The following BICRAL variants were observed in gnomAD, a reference collection of about 807,000 sequenced individuals.
BICRAL encodes the protein BRD4-interacting chromatin-remodeling complex-associated protein-like.
In BICRAL, 8 loss-of-function variants were observed where a neutral mutation model predicts 91.8. The observed-to-expected ratio is 0.09, with a 90% CI of 0.05 to 0.16. BICRAL has a LOEUF of 0.16. Among genes scored for constraint, BICRAL ranks in the 10% least tolerant of loss-of-function variants. The pLI is 1.00. For synonymous variants in BICRAL, 445 were observed against 491.1 expected (o/e 0.91, Z 1.24); for missense variants, 1,038 against 1,310.9 (o/e 0.79, Z 3.21).
Position 42,828,499 on chromosome 6 carries a change from G to C in BICRAL, c.166G>C (p.Asp56His), listed in dbSNP as rs1179988967. The change falls in exon 6 of 13, where the codon GAT becomes CAT. Residue 56 changes from aspartate (D) to histidine (H), a missense_variant. Physicochemically the swap from Asp to His is moderately conservative, Grantham distance 81. Coordinates refer to ENST00000314073, the MANE Select transcript of BICRAL (RefSeq NM_001393499.1). ...ATACTGTTTATTTTTTTAGAATGCT[G>C]ATCCTAAGTCATCCCTCAAAGGTGT... ...NSIFANSSNA[D>H]PKSSLKGVSN... The C allele has an allele frequency of 6.2e-7, 1 of 1,608,884 alleles. No homozygotes were observed. Among genetic ancestry groups the C allele is most frequent in the Non-Finnish European group, 8.5e-7 (1 of 1,177,942 alleles).
chr6:42,747,539 T>A (rs1762298483), intron 1 of BICRAL, among the ~76,000 whole-genome samples: 2 of 152,128 alleles, frequency 1.3e-5, no homozygotes, highest in South Asian at 4.1e-4. Context: ...CCTTCCCACT[T>A]AAAACAAACA....
At chr6:42,821,320 G>C (rs1175142942) in intron 2 of BICRAL, 1 of 152,362 alleles carries the variant, frequency 6.6e-6, no homozygotes, top group Non-Finnish European at 1.5e-5. Flanking sequence ...ACTGTCGCTG[G>C]TGGGGGAGAG....
chr6:42,761,459 T>A (rs989505655), intron 1 of BICRAL, among the ~76,000 whole-genome samples: 6 of 152,160 alleles, frequency 3.9e-5, no homozygotes, highest in African/African-American at 1.4e-4. Context: ...ATAAATTAAT[T>A]AATTAATTCT....
intron 10 of BICRAL, among the ~76,000 whole-genome samples, chr6:42,857,637 T>TATATATATATATATATATATATA (rs1554283197): frequency 2.1e-5 from 2 of 94,184 alleles, no homozygotes; most frequent in Admixed American, 1.1e-4. Context: ...ATATATATAT[T>TATATATATATATATATATATATA]TTTTAGGAGG....
At chr6:42,757,854 G>C (rs1240572418) in intron 1 of BICRAL, among the ~76,000 whole-genome samples, 1 of 152,220 alleles carries the variant, frequency 6.6e-6, no homozygotes, top group Non-Finnish European at 1.5e-5. Context: ...AGCTAGCTAA[G>C]TCGTAGAGTT....
intron 1 of BICRAL, among the ~76,000 whole-genome samples, chr6:42,793,325 T>TTTTTTTTTC (rs1763332219): frequency 1.1e-5 from 1 of 94,980 alleles, no homozygotes; most frequent in Non-Finnish European, 2.2e-5. Flanking sequence ...TTTTTTTTTT[T>TTTTTTTTTC]GTATTTTTAG....
chr6:42,763,937 A>ATT (rs1412759595), intron 1 of BICRAL, among the ~76,000 whole-genome samples: 1 of 151,426 alleles, frequency 6.6e-6, no homozygotes, highest in East Asian at 1.9e-4. Context: ...ACAAAAGAAA[A>ATT]TAGCATATTA....
intron 6 of BICRAL, among the ~76,000 whole-genome samples, chr6:42,835,004 A>G (rs1208491456): frequency 6.6e-6 from 1 of 152,172 alleles, no homozygotes; most frequent in Non-Finnish European, 1.5e-5. Flanking sequence ...ATTTCTGTGA[A>G]TCTATATTAA....
chr6:42,832,674 C>T lies in BICRAL; in HGVS notation c.1839+2502C>T, dbSNP rs183670948. On this transcript the variant is annotated intron_variant, in intron 6 of 12. Coordinates refer to ENST00000314073, the MANE Select transcript of BICRAL (RefSeq NM_001393499.1). ...GATTACTACAAAGAATTGTCATATA[C>T]CCTTCACCAAGATTCCCGAAATCTT... Among the ~76,000 whole-genome samples the T allele has an allele frequency of 4.7e-4, 71 of 150,948 alleles. No homozygotes were observed. In the East Asian group the frequency reaches 6.3e-3, roughly 13 times the overall value.
intron 1 of BICRAL, among the ~76,000 whole-genome samples, chr6:42,787,054 T>C (rs771132345): frequency 3.4e-4 from 52 of 152,158 alleles, no homozygotes; most frequent in Non-Finnish European, 4.1e-4. Context: ...TAGGAGGCTA[T>C]TGTAGTCAGC....
At position 42,805,558 on chromosome 6, in the gene BICRAL, G is replaced by T. The variant is rs557101470; in HGVS notation, c.-101-4748G>T. 4.6e-5 allele frequency among the ~76,000 whole-genome samples: 7 copies of T among 152,242 alleles called. No individual in the cohort carries two copies. The South Asian group carries it at 1.5e-3, about 32-fold the overall frequency. ...CATCCTGTGACCAACACATTAGAAA[G>T]GGTGCTAAGTTCATTTTTAAAATAT... On this transcript the variant is annotated intron_variant, in intron 1 of 12. Transcript: ENST00000314073.
chr6:42,771,649 T>G (rs1175556133), intron 1 of BICRAL, among the ~76,000 whole-genome samples: 1 of 150,730 alleles, frequency 6.6e-6, no homozygotes, highest in Non-Finnish European at 1.5e-5. Flanking sequence ...TGGTTTTTCG[T>G]GTATGTGGTT....
At chr6:42,852,403 T>C in intron 7 of BICRAL, 1 of 663,564 alleles carries the variant, frequency 1.5e-6, no homozygotes, top group Non-Finnish European at 2.8e-6. Context: ...GGCTCACGCC[T>C]GTAATGCCAG....
chr6:42,770,222 A>C (rs1762697328), intron 1 of BICRAL, among the ~76,000 whole-genome samples: 1 of 151,290 alleles, frequency 6.6e-6, no homozygotes, highest in African/African-American at 2.4e-5. Flanking sequence ...TCCCTCTCTT[A>C]GTTTTTTGTT....
rs1764383516 is a variant in BICRAL at position 42,828,894 on chromosome 6, C to T, written c.561C>T (p.Gly187=). 2 of 1,613,988 alleles carry T rather than the reference C, an allele frequency of 1.2e-6. No homozygotes were observed. Among genetic ancestry groups the T allele is most frequent in the Non-Finnish European group, 1.7e-6 (2 of 1,179,854 alleles). ...GCAATACAGTGGGTGTACAACATGG[C>T]TTTATGCAACATGTGGGGATCAGTG... The part of the protein sequence containing the change: ...FASNTVGVQH[G]FMQHVGISVP... Residue 187 remains glycine (G), a synonymous_variant, in exon 6 of 13, where the codon GGC becomes GGT. Coordinates refer to ENST00000314073, the MANE Select transcript of BICRAL (RefSeq NM_001393499.1).
At chr6:42,859,867 C>A (rs9471933) in intron 10 of BICRAL, among the ~76,000 whole-genome samples, 9 of 151,660 alleles carry the variant, frequency 5.9e-5, no homozygotes, top group Admixed American at 2.0e-4. Flanking sequence ...GGATGGTCTC[C>A]ATCTCCTGAC....
At chr6:42,777,747 A>G (rs994428269), upstream of BICRAL, among the ~76,000 whole-genome samples, 3 of 152,212 alleles carry the variant, frequency 2.0e-5, no homozygotes, top group African/African-American at 7.2e-5. Context: ...AGGTCCAAGC[A>G]TGTGTTAGAA....
At chr6:42,814,501 A>ATATATG (rs1763926116) in intron 2 of BICRAL, among the ~76,000 whole-genome samples, 4 of 73,448 alleles carry the variant, frequency 5.4e-5, no homozygotes, top group African/African-American at 3.1e-4. Context: ...GTGTGTGTGT[A>ATATATG]TATATATATA....
chr6:42,807,164 T>C (rs1230261925), intron 1 of BICRAL, among the ~76,000 whole-genome samples: 4 of 151,670 alleles, frequency 2.6e-5, no homozygotes, highest in Non-Finnish European at 5.9e-5. Flanking sequence ...CCAGTTCATA[T>C]TATTATTATT....
Sources: gnomAD v4.1 joint callset for allele counts (sites outside exome capture counted in the v4.1 genomes callset) on GRCh38, gnomAD v4.1.1 for gene constraint, MANE v1.5 for transcripts, NCBI Gene and HGNC (gene_info 2026-07-23, HGNC 2026-07-21) for gene names.